Variants in RPS6KA2 observed in about 807,000 individuals in gnomAD.
RPS6KA2 encodes ribosomal protein S6 kinase alpha-2.
Under a neutral mutation model 91.8 loss-of-function variants are expected in RPS6KA2, and 42 were observed. The ratio of observed to expected loss-of-function variants is 0.46; its 90% CI spans 0.36 to 0.59. The LOEUF is 0.59. Among genes scored for constraint, RPS6KA2 ranks in the 20% least tolerant of loss-of-function variants. The pLI, the probability that RPS6KA2 is intolerant of heterozygous loss-of-function variation, is 0.00. For synonymous variants in RPS6KA2, 414 were observed against 393.6 expected (o/e 1.05, Z -0.61); for missense variants, 798 against 978.5 (o/e 0.82, Z 2.46).
chr6:166,855,462 GGAAGAGGAAGAGGAA>G (rs1780871474), intron 2 of RPS6KA2, among the ~76,000 whole-genome samples: 3 of 128,256 alleles, frequency 2.3e-5, no homozygotes, highest in South Asian at 2.3e-4. Flanking sequence ...AAGAAGAAGA[GGAAGAGGAAGAGGAA>G]GAAGAAGAAG....
intron 10 of RPS6KA2, among the ~76,000 whole-genome samples, chr6:166,477,271 C>T (rs551259612): frequency 1.2e-4 from 18 of 152,178 alleles, no homozygotes; most frequent in South Asian, 2.1e-4. Context: ...CACTTAGACA[C>T]GGTTTGAAGG....
intron 12 of RPS6KA2, among the ~76,000 whole-genome samples, chr6:166,458,508 G>A (rs1414568618): frequency 6.6e-6 from 1 of 152,168 alleles, no homozygotes. Flanking sequence ...TATCAGCAGT[G>A]TGAAAACAGA....
Position 166,767,217 on chromosome 6 carries a change from C to T in RPS6KA2, c.123+90983G>A, listed in dbSNP as rs904649501. Among the ~76,000 whole-genome samples, 2 of 152,200 alleles carry T rather than the reference C, an allele frequency of 1.3e-5. No homozygotes were observed. The highest frequency in any genetic ancestry group is 1.5e-5 in the Non-Finnish European group (1 of 68,042). On this transcript the variant is annotated intron_variant, in intron 2 of 21. Coordinates refer to the RPS6KA2 transcript ENST00000503859. The surrounding 1 kb of genome is among the most constrained non-coding windows in gnomAD (Gnocchi z 4.6). The stretch of plus-strand genomic sequence containing the variant: ...GACTCTGCCCAGTTTTTAATGTCGC[C>T]TATCACCTCCCCATGAGCAACGCCA...
intron 10 of RPS6KA2, among the ~76,000 whole-genome samples, chr6:166,486,968 C>T (rs550506344): frequency 3.3e-5 from 5 of 152,322 alleles, no homozygotes; most frequent in East Asian, 3.9e-4. Flanking sequence ...GCCGAGACAC[C>T]GTCCTCCAGC....
chr6:166,557,351 C>T lies in RPS6KA2; in HGVS notation c.100-18567G>A, dbSNP rs1375202138. On this transcript the variant is annotated intron_variant, in intron 1 of 20. Coordinates refer to ENST00000265678, the MANE Select transcript of RPS6KA2 (RefSeq NM_021135.6). The surrounding 1 kb of genome is among the most constrained non-coding windows in gnomAD (Gnocchi z 4.8). ...AAATCGACATAAACACGGTCCTGGCCACCACGTCCCCCACAGACTCAATGG... is the reference window on the plus strand; with the variant it reads ...AAATCGACATAAACACGGTCCTGGCTACCACGTCCCCCACAGACTCAATGG... 6.6e-6 allele frequency among the ~76,000 whole-genome samples: 1 copy of T among 152,222 alleles called. No individual in the cohort carries two copies. Among genetic ancestry groups the T allele is most frequent in the Non-Finnish European group, 1.5e-5 (1 of 68,046 alleles).
At chr6:166,831,164 C>T (rs1452480991) in intron 2 of RPS6KA2, among the ~76,000 whole-genome samples, 1 of 152,156 alleles carries the variant, frequency 6.6e-6, no homozygotes, top group Admixed American at 6.5e-5. Flanking sequence ...ACTGACAATG[C>T]AGCTGCTCCC....
intron 10 of RPS6KA2, among the ~76,000 whole-genome samples, chr6:166,482,457 A>C (rs542899373): frequency 1.8e-4 from 28 of 152,314 alleles, no homozygotes; most frequent in African/African-American, 6.5e-4. Context: ...TGTCCCAGGA[A>C]ATTCTCTGAG....
chr6:166,745,167 T>G (rs28406423), intron 2 of RPS6KA2, among the ~76,000 whole-genome samples: 4 of 146,754 alleles, frequency 2.7e-5, no homozygotes, highest in African/African-American at 7.7e-5. Flanking sequence ...TTTTTTTTTT[T>G]TGAGAGAGAG....
intron 2 of RPS6KA2, among the ~76,000 whole-genome samples, chr6:166,686,981 A>G (rs1789038265): frequency 1.3e-5 from 2 of 152,266 alleles, no homozygotes; most frequent in Non-Finnish European, 2.9e-5. Context: ...GGTGCAGGGC[A>G]GAGGGCAGCT....
intron 2 of RPS6KA2, among the ~76,000 whole-genome samples, chr6:166,651,988 C>T (rs1787867633): frequency 6.6e-6 from 1 of 152,250 alleles, no homozygotes; most frequent in African/African-American, 2.4e-5. Context: ...TCGGCACTGC[C>T]GTGCTTTCAC....
chr6:166,609,181 T>A (rs955457970), intron 1 of RPS6KA2, among the ~76,000 whole-genome samples: 1 of 152,206 alleles, frequency 6.6e-6, no homozygotes, highest in African/African-American at 2.4e-5. Flanking sequence ...GTTTTCAAAC[T>A]GGGGTTCAAT....
In RPS6KA2 at chr6:166,813,678, C is replaced by T. The variant is rs1583146443; in HGVS notation, c.123+44522G>A. Among the ~76,000 whole-genome samples the T allele has an allele frequency of 1.3e-5, 2 of 152,286 alleles. 1 individual carries two copies. Among genetic ancestry groups the T allele is most frequent in the South Asian group, 4.2e-4 (2 of 4,818 alleles). On this transcript the variant is annotated intron_variant, in intron 2 of 21. Transcript: ENST00000503859. ...GGACCCTTGGTGTATAGATGCGTCA[C>T]TCCAGTCTCTGTGTCCACCGTCACG...
intron 1 of RPS6KA2, among the ~76,000 whole-genome samples, chr6:166,550,766 GCC>G (rs1192537859): frequency 2.6e-4 from 40 of 152,188 alleles, no homozygotes; most frequent in Non-Finnish European, 4.1e-4. Context: ...ACTTTGGGAG[GCC>G]AAGGCGGTCA....
At chr6:166,559,072 C>G (rs1429689115) in intron 1 of RPS6KA2, among the ~76,000 whole-genome samples, 1 of 152,166 alleles carries the variant, frequency 6.6e-6, no homozygotes, top group Admixed American at 6.5e-5. Context: ...TTGCTATGCT[C>G]CATCTCTTCA....
chr6:166,461,955 C>T (rs1780325646), intron 11 of RPS6KA2, among the ~76,000 whole-genome samples: 1 of 152,214 alleles, frequency 6.6e-6, no homozygotes, highest in East Asian at 1.9e-4. Context: ...GGACATTTGG[C>T]AGTGCCCAAA....
intron 10 of RPS6KA2, among the ~76,000 whole-genome samples, chr6:166,476,034 A>G (rs931943775): frequency 1.3e-5 from 2 of 152,144 alleles, no homozygotes; most frequent in African/African-American, 4.8e-5. Flanking sequence ...ACATGTGCAA[A>G]AGGGGTCACT....
intron 2 of RPS6KA2, among the ~76,000 whole-genome samples, chr6:166,719,709 C>T (rs1361379879): frequency 2.0e-5 from 3 of 152,212 alleles, no homozygotes; most frequent in Non-Finnish European, 4.4e-5. Context: ...AAACGTTCAT[C>T]AACGGAGGGA....
At chr6:166,794,257 C>T (rs1236190827) in intron 2 of RPS6KA2, among the ~76,000 whole-genome samples, 1 of 148,908 alleles carries the variant, frequency 6.7e-6, no homozygotes, top group Non-Finnish European at 1.5e-5. Flanking sequence ...TGAAAAAATG[C>T]TCATCATCAC....
chr6:166,769,794 T>G (rs1778415950), intron 2 of RPS6KA2, among the ~76,000 whole-genome samples: 1 of 152,164 alleles, frequency 6.6e-6, no homozygotes, highest in Non-Finnish European at 1.5e-5. Flanking sequence ...ATCAGGGACT[T>G]GCAGGCCCCA....
Sources: gnomAD v4.1 joint callset for allele counts (sites outside exome capture counted in the v4.1 genomes callset) on GRCh38, gnomAD v4.1.1 for gene constraint, Gnocchi (gnomAD v3.1) non-coding constraint, MANE v1.5 for transcripts, NCBI Gene and HGNC (gene_info 2026-07-23, HGNC 2026-07-21) for gene names.